Variants in MAP2K3 observed in about 807,000 individuals in gnomAD.
MAP2K3 encodes dual specificity mitogen-activated protein kinase kinase 3.
In MAP2K3, 30 loss-of-function variants were observed where a neutral mutation model predicts 46.4. The ratio of observed to expected loss-of-function variants is 0.65; its 90% CI spans 0.48 to 0.88. The LOEUF is 0.88. MAP2K3 is among the 40% of genes least tolerant of loss of function. MAP2K3 has a pLI of 0.00. For missense variants in MAP2K3, 380 were observed against 464.5 expected (o/e 0.82, Z 1.67); for synonymous variants, 189 against 176.3 (o/e 1.07, Z -0.57).
chr17:21,294,734 GCTGTGCA>G (rs1416857443), intron 1 of MAP2K3, among the ~76,000 whole-genome samples: 1 of 152,312 alleles, frequency 6.6e-6, no homozygotes, highest in Non-Finnish European at 1.5e-5. Flanking sequence ...TCTCTTGGGA[GCTGTGCA>G]CTTCCAGATG....
At chr17:21,301,931 G>A (rs1239343075) in intron 5 of MAP2K3, among the ~76,000 whole-genome samples, 1 of 152,312 alleles carries the variant, frequency 6.6e-6, no homozygotes, top group Non-Finnish European at 1.5e-5. Flanking sequence ...GATAGAGGAG[G>A]CTGGCGCCCG....
intron 7 of MAP2K3, 118 bp from the exon 8 acceptor site, chr17:21,304,308 A>C: frequency 6.4e-7 from 1 of 1,562,512 alleles, no homozygotes; most frequent in Non-Finnish European, 8.7e-7. Flanking sequence ...CCACTGGGGC[A>C]TGGGAGGGGG....
rs529191941 is a variant in MAP2K3, at chr17:21,303,349, C to T, written c.568+115C>T. On this transcript the variant is annotated intron_variant, in intron 7 of 11. Transcript: ENST00000342679. ...GGCTCCGAGAGGTGATAGGTTGTGA[C>T]GTGCCCGATGGGGTTCCAGCCGCTT... 484 of 1,441,284 alleles carry T rather than the reference C, an allele frequency of 3.4e-4. No individual in the cohort carries two copies. In the South Asian group the frequency reaches 5.0e-3, roughly 15 times the overall value. 89.3% of individuals were successfully genotyped at this position (1,441,284 alleles called of 1,614,324 possible).
chr17:21,302,354 T>C, intron 6 of MAP2K3, 95 bp downstream of exon 6: 1 of 1,404,852 alleles, frequency 7.1e-7, no homozygotes, highest in Non-Finnish European at 1.0e-6. Flanking sequence ...TGATGGTGTC[T>C]TGGGCAGAGC....
At chr17:21,310,457 G>A (rs1425700005) in intron 9 of MAP2K3, among the ~76,000 whole-genome samples, 1 of 152,190 alleles carries the variant, frequency 6.6e-6, no homozygotes, top group African/African-American at 2.4e-5. Context: ...CAGCCATCCT[G>A]GGGGAGCGAC....
intron 3 of MAP2K3, among the ~76,000 whole-genome samples, chr17:21,299,918 G>T (rs1374533973): frequency 6.6e-6 from 1 of 152,310 alleles, no homozygotes; most frequent in African/African-American, 2.4e-5. Context: ...GGAGGTGGAG[G>T]TTGCAGTGAG....
At chr17:21,291,273 G>GAATAC (rs1222497482) in intron 1 of MAP2K3, among the ~76,000 whole-genome samples, 1 of 9,114 alleles carries the variant, frequency 1.1e-4, no homozygotes, top group Non-Finnish European at 1.8e-4. Context: ...CAATACAATA[G>GAATAC]AATACAATAC....
chr17:21,311,316 C>T (rs1249733642), intron 9 of MAP2K3, among the ~76,000 whole-genome samples: 11 of 151,964 alleles, frequency 7.2e-5, no homozygotes, highest in Admixed American at 3.3e-4. Context: ...CTTGTTTTTT[C>T]CATCCAGTCA....
rs769307504 is a variant in MAP2K3, at chr17:21,314,183, A to G, written c.997A>G (p.Thr333Ala). The G allele has an allele frequency of 6.2e-7, 1 of 1,614,042 alleles. No individual in the cohort carries two copies. Among genetic ancestry groups the G allele is most frequent in the South Asian group, 1.1e-5 (1 of 91,076 alleles). The change falls in exon 12 of 12, where the codon ACG becomes GCG. Residue 333 changes from threonine (T) to alanine (A), a missense_variant. By Grantham distance (58) the Thr-to-Ala change is moderately conservative. This residue lies in a region of MAP2K3 where 63 missense variants were observed against 81.6 expected (regional missense o/e 0.77). Coordinates refer to ENST00000342679, the MANE Select transcript of MAP2K3 (RefSeq NM_145109.3). Reference protein sequence around the residue: ...PFFTLHKTKKTDIAAFVKEIL... With the variant: ...PFFTLHKTKKADIAAFVKEIL... ...CTTCACCTTGCACAAAACCAAGAAG[A>G]CGGACATTGCTGCCTTCGTGAAGGA...
intron 1 of MAP2K3, chr17:21,291,499 C>T (rs749414405): frequency 8.8e-5 from 40 of 456,356 alleles, no homozygotes; most frequent in East Asian, 4.9e-4. Flanking sequence ...GACCTCGAGC[C>T]GGGCCCACGT....
At chr17:21,296,833 G>A (rs553724238) in intron 1 of MAP2K3, among the ~76,000 whole-genome samples, 1 of 152,424 alleles carries the variant, frequency 6.6e-6, no homozygotes, top group Non-Finnish European at 1.5e-5. Context: ...GCGCACAGGA[G>A]TAGTGACTAG....
intron 9 of MAP2K3, among the ~76,000 whole-genome samples, chr17:21,310,457 G>C (rs1425700005): frequency 3.3e-5 from 5 of 152,190 alleles, no homozygotes; most frequent in Non-Finnish European, 5.9e-5. Context: ...CAGCCATCCT[G>C]GGGGAGCGAC....
intron 1 of MAP2K3, chr17:21,295,681 G>A (rs1976200547): frequency 7.8e-7 from 1 of 1,289,510 alleles, no homozygotes; most frequent in Middle Eastern, 2.1e-4. Context: ...ACAGGCCGGT[G>A]GATGCAGAGG....
At position 21,298,476 on chromosome 17, in the gene MAP2K3, C is replaced by T. The variant is rs758965481; in HGVS notation, c.113C>T (p.Pro38Leu). 2 of 1,614,320 alleles carry T rather than the reference C, an allele frequency of 1.2e-6. No homozygotes were observed. The highest frequency in any genetic ancestry group is 1.7e-6 in the Non-Finnish European group (2 of 1,180,060). ...ATGTCCAAGCCACCCGCACCCAACC[C>T]CACGTGAGTCTGCCTCAGTTTCTCC... The part of the protein sequence containing the change: ...SCMSKPPAPN[P>L]TPPRNLDSRT... The change falls in exon 2 of 12, where the codon CCC becomes CTC. Residue 38 changes from proline to leucine, a missense_variant. Pro to Leu is a moderately conservative substitution (Grantham distance 98, BLOSUM62 -3). Around this residue, in one of 5 missense-constraint regions of MAP2K3, gnomAD observed 294 missense variants for 275.4 expected, o/e 1.07. Transcript: ENST00000342679.
chr17:21,300,688 G>A (rs1225948740), intron 4 of MAP2K3, 30 bp downstream of exon 4: 3 of 1,597,090 alleles, frequency 1.9e-6, no homozygotes, highest in African/African-American at 1.3e-5. Context: ...AGCTGGGAGG[G>A]CTCCCTGGAG....
At chr17:21,295,499 T>C in intron 1 of MAP2K3, 1 of 906,888 alleles carries the variant, frequency 1.1e-6, no homozygotes, top group Non-Finnish European at 1.3e-6. Flanking sequence ...CCACAACGGC[T>C]GCACCTGGGC....
At chr17:21,313,378 G>A in intron 10 of MAP2K3, 114 bp from the exon 11 acceptor site, 1 of 781,704 alleles carries the variant, frequency 1.3e-6, no homozygotes, top group Non-Finnish European at 2.2e-6. Context: ...TCTTCCCTGG[G>A]TGCACGTGTC....
intron 6 of MAP2K3, among the ~76,000 whole-genome samples, 174 bp from the exon 7 acceptor site, chr17:21,303,009 G>C (rs1976691146): frequency 6.6e-6 from 1 of 152,310 alleles, no homozygotes; most frequent in Non-Finnish European, 1.5e-5. Flanking sequence ...GGATTGTTAG[G>C]ATGCTGGGGC....
At chr17:21,288,090 C>A in intron 1 of MAP2K3, 1 of 1,289,200 alleles carries the variant, frequency 7.8e-7, no homozygotes, top group Non-Finnish European at 1.0e-6. Flanking sequence ...AGGCTTCCGG[C>A]GGTGAGTCAG....
Sources: allele counts gnomAD v4.1 joint callset (sites outside exome capture counted in the v4.1 genomes callset), GRCh38; gene constraint gnomAD v4.1.1; regional missense constraint gnomAD v4.1.1; transcripts MANE v1.5; gene names NCBI Gene and HGNC (gene_info 2026-07-23, HGNC 2026-07-21).